HS3ST5: variants seen among roughly 807,000 people sequenced by gnomAD.
The protein encoded by HS3ST5 is heparan sulfate glucosamine 3-O-sulfotransferase 5.
HS3ST5 carries 10 observed loss-of-function variants against 25.4 expected under a neutral mutation model. The observed-to-expected ratio is 0.39, with a 90% confidence interval of 0.24 to 0.67. The LOEUF (loss-of-function observed/expected upper bound fraction) is 0.67, where lower values mean the gene tolerates loss of function less well. Among genes scored for constraint, HS3ST5 ranks in the 30% least tolerant of loss-of-function variants. HS3ST5 has a pLI of 0.44. For missense variants in HS3ST5, 324 were observed against 420.7 expected (o/e 0.77, Z 2.01); for synonymous variants, 170 against 162.4 (o/e 1.05, Z -0.36).
At chr6:114,211,992 G>C (rs959813028) in intron 2 of HS3ST5, among the ~76,000 whole-genome samples, 2 of 152,206 alleles carry the variant, frequency 1.3e-5, no homozygotes, top group East Asian at 3.9e-4. Context: ...ACTTTGGAAT[G>C]ATTTTGTGAG....
rs398048772 is a variant in HS3ST5 at position 114,129,251 on chromosome 6, C to CTT, written c.-33+39098_-33+39099dup. Reference sequence around the variant, plus strand: ...TGAGACACACACCTGCAACAAGAACCTTTTTTTTTTTTTTTTTTTTTTGAG... The same window carrying CTT: ...TGAGACACACACCTGCAACAAGAACCTTTTTTTTTTTTTTTTTTTTTTTTGAG... On this transcript the variant is annotated intron_variant, in intron 3 of 4. Coordinates refer to ENST00000312719, the MANE Select transcript of HS3ST5 (RefSeq NM_153612.4). Among the ~76,000 whole-genome samples the CTT allele has an allele frequency of 9.8e-3, 959 of 98,004 alleles. 44 individuals carry two copies. The highest frequency in any genetic ancestry group is 0.065 in the South Asian group (160 of 2,468). 64.3% of individuals were successfully genotyped at this position (98,004 alleles called of 152,430 possible).
chr6:114,333,542 C>G (rs1339327534), intron 1 of HS3ST5, among the ~76,000 whole-genome samples: 1 of 152,014 alleles, frequency 6.6e-6, no homozygotes, highest in Non-Finnish European at 1.5e-5. Context: ...CACTGGCAAT[C>G]CATTTCAGAA....
intron 1 of HS3ST5, among the ~76,000 whole-genome samples, chr6:114,331,092 G>C (rs1055965801): frequency 7.2e-5 from 11 of 152,164 alleles, no homozygotes; most frequent in Admixed American, 7.2e-4. Flanking sequence ...AAAGTATGTA[G>C]GGAACTACCT....
intron 1 of HS3ST5, among the ~76,000 whole-genome samples, chr6:114,252,289 A>C (rs1251001202): frequency 6.6e-6 from 1 of 152,212 alleles, no homozygotes; most frequent in Non-Finnish European, 1.5e-5. Context: ...ATTCTGTACG[A>C]ATTTAGCCCA....
At chr6:114,303,777 G>A (rs1413564629) in intron 1 of HS3ST5, among the ~76,000 whole-genome samples, 3 of 152,104 alleles carry the variant, frequency 2.0e-5, no homozygotes, top group African/African-American at 7.2e-5. Context: ...GAAATATAAT[G>A]CATGCAATTA....
chr6:114,177,699 G>C (rs1038811809), intron 2 of HS3ST5, among the ~76,000 whole-genome samples: 10 of 152,322 alleles, frequency 6.6e-5, no homozygotes, highest in Middle Eastern at 3.4e-3. Flanking sequence ...AGGTGTTCTA[G>C]TTATGAAGGA....
At chr6:114,114,641 A>T (rs1776427945) in intron 3 of HS3ST5, among the ~76,000 whole-genome samples, 1 of 152,002 alleles carries the variant, frequency 6.6e-6, no homozygotes, top group Non-Finnish European at 1.5e-5. Context: ...ATTATTACAC[A>T]TATGTTTTTA....
intron 1 of HS3ST5, among the ~76,000 whole-genome samples, chr6:114,250,921 T>C (rs890359656): frequency 2.0e-5 from 3 of 152,168 alleles, no homozygotes; most frequent in African/African-American, 7.2e-5. Context: ...GAAATCATTC[T>C]CAAGTGTTTT....
chr6:114,278,473 G>A (rs551552047), intron 1 of HS3ST5, among the ~76,000 whole-genome samples: 1 of 152,038 alleles, frequency 6.6e-6, no homozygotes, highest in East Asian at 1.9e-4. Flanking sequence ...GAAAGTGGAG[G>A]AGAATTTAGA....
intron 2 of HS3ST5, among the ~76,000 whole-genome samples, chr6:114,186,282 C>A (rs549206740): frequency 1.3e-5 from 2 of 152,154 alleles, no homozygotes; most frequent in South Asian, 4.1e-4. Context: ...GCCTCTTCCA[C>A]CAAACAATTA....
At chr6:114,172,185 C>G (rs1227294397) in intron 2 of HS3ST5, among the ~76,000 whole-genome samples, 1 of 152,176 alleles carries the variant, frequency 6.6e-6, no homozygotes, top group Non-Finnish European at 1.5e-5. Flanking sequence ...TATTTCTTTC[C>G]TTTTCACACT....
rs1772770859 is a variant in HS3ST5 at position 114,056,359 on chromosome 6, A to G, written c.*898T>C. ...GGGTACAGAAATCCAGCAGGGAAGC[A>G]CATCTTTCCAAGTGCTCTCATATGC... is the stretch of plus-strand genomic sequence containing the variant. On this transcript the variant is annotated 3_prime_UTR_variant, in exon 5 of 5. Coordinates refer to ENST00000312719, the MANE Select transcript of HS3ST5 (RefSeq NM_153612.4). The G allele has an allele frequency of 6.6e-6, 1 of 152,070 alleles. No individual in the cohort carries two copies. Among genetic ancestry groups the G allele is most frequent in the African/African-American group, 2.4e-5 (1 of 41,410 alleles). The allele number at this position is 152,070 out of a possible 1,614,324, so 9.4% of individuals were successfully genotyped here. A position where few individuals can be genotyped will look rare whatever the true frequency, so the allele number is the denominator to read the frequency against.
chr6:114,170,225 CTGA>C (rs1295651729), intron 2 of HS3ST5, among the ~76,000 whole-genome samples: 11 of 151,896 alleles, frequency 7.2e-5, no homozygotes, highest in African/African-American at 2.4e-4. Flanking sequence ...GAAAAACTAG[CTGA>C]TGATTTTTTT....
intron 1 of HS3ST5, among the ~76,000 whole-genome samples, chr6:114,250,506 G>C (rs1416901724): frequency 6.6e-6 from 1 of 151,938 alleles, no homozygotes; most frequent in East Asian, 1.9e-4. Flanking sequence ...GCGTGAACCT[G>C]GGAGGCAGAG....
chr6:114,146,590 C>G (rs529631006), intron 3 of HS3ST5, among the ~76,000 whole-genome samples: 22 of 152,184 alleles, frequency 1.4e-4, no homozygotes, highest in Non-Finnish European at 2.6e-4. Flanking sequence ...GGAGGCTGTT[C>G]CTAAGTGATA....
At chr6:114,157,484 A>G (rs1041343405) in intron 3 of HS3ST5, among the ~76,000 whole-genome samples, 1 of 152,198 alleles carries the variant, frequency 6.6e-6, no homozygotes, top group African/African-American at 2.4e-5. Flanking sequence ...GTTAGATAGG[A>G]GAAATAAGTT....
chr6:114,120,616 G>T (rs1776742026), intron 3 of HS3ST5, among the ~76,000 whole-genome samples: 1 of 151,936 alleles, frequency 6.6e-6, no homozygotes, highest in African/African-American at 2.4e-5. Context: ...AGAAAATCAG[G>T]GGACATTAAT....
At chr6:114,112,857 C>T (rs1776334236) in intron 3 of HS3ST5, among the ~76,000 whole-genome samples, 1 of 152,122 alleles carries the variant, frequency 6.6e-6, no homozygotes, top group African/African-American at 2.4e-5. Context: ...ATGTTCCTGC[C>T]ATTTTCCTAA....
At chr6:114,174,422 TC>T (rs199501191) in intron 2 of HS3ST5, among the ~76,000 whole-genome samples, 6,336 of 152,108 alleles carry the variant, frequency 0.042, 174 homozygotes, top group Middle Eastern at 0.11. Context: ...ACTGTTAATC[TC>T]CACAGCTTAG....
Sources: gnomAD v4.1 joint callset for allele counts (sites outside exome capture counted in the v4.1 genomes callset) on GRCh38, gnomAD v4.1.1 for gene constraint, MANE v1.5 for transcripts, NCBI Gene and HGNC (gene_info 2026-07-23, HGNC 2026-07-21) for gene names.